Variants in PARD3 observed in about 807,000 individuals in gnomAD.
PARD3 encodes the protein par-3 family cell polarity regulator.
PARD3 carries 75 observed loss-of-function variants against 155.4 expected under a neutral mutation model. That is an observed-to-expected ratio of 0.48 (90% CI 0.40 to 0.58). The LOEUF is 0.58. Ranked by LOEUF, PARD3 falls within the 20% of genes least tolerant of loss-of-function variation. The pLI is 0.00. For missense variants in PARD3, 1,642 were observed against 1,721.7 expected (o/e 0.95, Z 0.82); for synonymous variants, 576 against 610.5 (o/e 0.94, Z 0.83).
chr10:34,377,900 A>T, intron 10 of PARD3, 67 bp downstream of exon 10: 2 of 1,282,950 alleles, frequency 1.6e-6, no homozygotes, highest in Non-Finnish European at 1.0e-6. Context: ...AAATGTTTTT[A>T]AAAGTTGGCT....
At chr10:34,797,384 T>C (rs891539575) in intron 1 of PARD3, among the ~76,000 whole-genome samples, 8 of 152,172 alleles carry the variant, frequency 5.3e-5, no homozygotes, top group African/African-American at 1.9e-4. Flanking sequence ...ACTCCTGGCC[T>C]CAAGCAATCC....
chr10:34,785,953 G>C (rs1055655927), intron 1 of PARD3, among the ~76,000 whole-genome samples: 2 of 152,134 alleles, frequency 1.3e-5, no homozygotes, highest in African/African-American at 4.8e-5. Flanking sequence ...GTAGTTACGT[G>C]TCATCTCCTG....
chr10:34,303,120 T>C (rs1322526328), intron 20 of PARD3, among the ~76,000 whole-genome samples: 2 of 148,968 alleles, frequency 1.3e-5, no homozygotes, highest in Non-Finnish European at 3.0e-5. Context: ...TTTTGCCAGG[T>C]GAAAAATAAA....
At position 34,355,229 on chromosome 10, in the gene PARD3, AG is replaced by A. The variant is rs574550205; in HGVS notation, c.2067+3917del. Among the ~76,000 whole-genome samples the A allele has an allele frequency of 1.5e-4, 23 of 152,254 alleles. No individual in the cohort carries two copies. In the East Asian group the frequency reaches 4.5e-3, roughly 30 times the overall value. On this transcript the variant is annotated intron_variant, in intron 14 of 24. Coordinates refer to ENST00000374788, the MANE Select transcript of PARD3 (RefSeq NM_001184785.2). ...CTGTGGTCCCAGCTACTAGGGAGACAGGTGGCAGGATTGCTTGAGCATGGGA... is the reference window on the plus strand; with the variant it reads ...CTGTGGTCCCAGCTACTAGGGAGACAGTGGCAGGATTGCTTGAGCATGGGA...
chr10:34,492,634 C>A (rs1255404516), intron 3 of PARD3, among the ~76,000 whole-genome samples: 1 of 152,164 alleles, frequency 6.6e-6, no homozygotes, highest in Admixed American at 6.5e-5. Context: ...ATTAAAATGT[C>A]TAAATTTTAC....
At chr10:34,598,914 T>C (rs2089525669) in intron 2 of PARD3, among the ~76,000 whole-genome samples, 2 of 147,900 alleles carry the variant, frequency 1.4e-5, no homozygotes, top group South Asian at 4.6e-4. Flanking sequence ...GTCCAGCCCC[T>C]ACCCACCCTG....
At position 34,638,511 on chromosome 10, in the gene PARD3, C is replaced by A. The variant is rs556328248; in HGVS notation, c.222+57807G>T. On this transcript the variant is annotated intron_variant, in intron 2 of 24. Coordinates refer to ENST00000374788, the MANE Select transcript of PARD3 (RefSeq NM_001184785.2). ...CTATTATGACACCTATGATAACTTT[C>A]ATGACAACATTCTAAAATAAAATGT... Among the ~76,000 whole-genome samples, 324 of 152,306 alleles carry A rather than the reference C, an allele frequency of 2.1e-3. 3 individuals are homozygous for A. The highest frequency in any genetic ancestry group is 1.5e-3 in the Non-Finnish European group (102 of 68,026).
At chr10:34,640,812 T>C (rs551459453) in intron 2 of PARD3, among the ~76,000 whole-genome samples, 13 of 149,848 alleles carry the variant, frequency 8.7e-5, no homozygotes, top group East Asian at 2.0e-4. Context: ...AGCAATGCCA[T>C]TGCCAGCTAT....
At chr10:34,299,080 A>AC (rs1237327833) in intron 20 of PARD3, among the ~76,000 whole-genome samples, 1 of 152,166 alleles carries the variant, frequency 6.6e-6, no homozygotes, top group Non-Finnish European at 1.5e-5. Flanking sequence ...TCAGATCAAT[A>AC]CCTAACTTGT....
chr10:34,561,684 G>A (rs111317024), intron 2 of PARD3, among the ~76,000 whole-genome samples: 4,887 of 151,718 alleles, frequency 0.032, 100 homozygotes, highest in Non-Finnish European at 0.048. Context: ...ATGCCTGGCT[G>A]ATCTTGTATT....
At chr10:34,485,861 T>C (rs2079417746) in intron 3 of PARD3, among the ~76,000 whole-genome samples, 1 of 152,074 alleles carries the variant, frequency 6.6e-6, no homozygotes, top group African/African-American at 2.4e-5. Context: ...ACCTGTCATT[T>C]TGTTATATAT....
At chr10:34,274,985 A>G (rs1955807139) in intron 21 of PARD3, among the ~76,000 whole-genome samples, 3 of 152,152 alleles carry the variant, frequency 2.0e-5, no homozygotes, top group African/African-American at 4.8e-5. Flanking sequence ...GCAGAAAATA[A>G]TATTAATTAG....
intron 3 of PARD3, among the ~76,000 whole-genome samples, chr10:34,483,017 G>A (rs1006266952): frequency 2.0e-5 from 3 of 151,954 alleles, no homozygotes; most frequent in African/African-American, 7.2e-5. Flanking sequence ...TTAGCCAGGT[G>A]TGGTGGTGCA....
intron 1 of PARD3, among the ~76,000 whole-genome samples, chr10:34,780,996 T>C (rs2134167345): frequency 6.6e-6 from 1 of 152,326 alleles, no homozygotes; most frequent in South Asian, 2.1e-4. Flanking sequence ...AAGGGATGCA[T>C]TTCCGCTTAC....
chr10:34,802,028 G>C (rs1281072902), intron 1 of PARD3, among the ~76,000 whole-genome samples: 1 of 152,152 alleles, frequency 6.6e-6, no homozygotes, highest in Non-Finnish European at 1.5e-5. Context: ...AATGAAAAAT[G>C]TGTAAGTGAT....
chr10:34,311,925 A>G (rs999701887), intron 20 of PARD3, among the ~76,000 whole-genome samples: 5 of 152,138 alleles, frequency 3.3e-5, no homozygotes, highest in Non-Finnish European at 7.3e-5. Context: ...AATCACCTGT[A>G]ACATCTGCCT....
At chr10:34,560,310 C>G (rs1216728355) in intron 2 of PARD3, among the ~76,000 whole-genome samples, 1 of 152,084 alleles carries the variant, frequency 6.6e-6, no homozygotes, top group Non-Finnish European at 1.5e-5. Context: ...TCATATTTCT[C>G]AAACCCAAAA....
rs527357628 is a variant in PARD3 at position 34,610,286 on chromosome 10, G to C, written c.222+86032C>G. Among the ~76,000 whole-genome samples the C allele has an allele frequency of 5.9e-5, 9 of 152,292 alleles. No homozygotes were observed. The South Asian group carries it at 1.9e-3, about 32-fold the overall frequency. ...CCATCCAGGGAACGTGAAAGTTGCT[G>C]AATGCTCTTGATTAGGAGGCCACCG... On this transcript the variant is annotated intron_variant, in intron 2 of 24. Transcript: ENST00000374788.
intron 24 of PARD3, among the ~76,000 whole-genome samples, chr10:34,117,546 G>A (rs1169245846): frequency 6.6e-6 from 1 of 152,218 alleles, no homozygotes; most frequent in African/African-American, 2.4e-5. Context: ...TCACTGGGTT[G>A]ATTCACACAG....
Sources: gnomAD v4.1 joint callset for allele counts (sites outside exome capture counted in the v4.1 genomes callset) on GRCh38, gnomAD v4.1.1 for gene constraint, MANE v1.5 for transcripts, NCBI Gene and HGNC (gene_info 2026-07-23, HGNC 2026-07-21) for gene names.